Variants in FBXW10B observed in about 807,000 individuals in gnomAD.
FBXW10B encodes the protein F-box and WD repeat domain containing 10B.
At chr17:15,597,229 G>A in the FBXW10B span, among the ~76,000 whole-genome samples, 1 of 150,166 alleles carries the variant, frequency 6.7e-6, no homozygotes, top group Non-Finnish European at 1.5e-5. Context: ...GTCACAGCTA[G>A]GGGTGGGTTT....
chr17:15,570,321 C>G, the FBXW10B span, among the ~76,000 whole-genome samples: 1 of 152,158 alleles, frequency 6.6e-6, no homozygotes, highest in Non-Finnish European at 1.5e-5. Flanking sequence ...CCTTGACAGA[C>G]AGACAGACTT....
At chr17:15,618,182 T>A in the FBXW10B span, among the ~76,000 whole-genome samples, 4 of 151,766 alleles carry the variant, frequency 2.6e-5, no homozygotes, top group African/African-American at 4.8e-5. Flanking sequence ...TACAAAAAAA[T>A]TAGGACATGG....
chr17:15,585,458 C>T, the FBXW10B span, among the ~76,000 whole-genome samples: 2 of 152,018 alleles, frequency 1.3e-5, no homozygotes, highest in Non-Finnish European at 2.9e-5. Context: ...GGAATTTAAC[C>T]ATGTCAAAGC....
the FBXW10B span, among the ~76,000 whole-genome samples, chr17:15,584,595 T>G: frequency 1.3e-5 from 2 of 152,342 alleles, no homozygotes; most frequent in South Asian, 4.1e-4. Flanking sequence ...CCTTTGCCCA[T>G]AACACAAGAA....
chr17:15,592,126 G>A, the FBXW10B span, among the ~76,000 whole-genome samples: 1 of 152,038 alleles, frequency 6.6e-6, no homozygotes, highest in African/African-American at 2.4e-5. Flanking sequence ...GCAATGTTAA[G>A]ACCTTAACCA....
chr17:15,615,197 G>A, the FBXW10B span, among the ~76,000 whole-genome samples: 1 of 151,110 alleles, frequency 6.6e-6, no homozygotes, highest in Non-Finnish European at 1.5e-5. Flanking sequence ...AAAGAGCCCA[G>A]CACATTGTAG....
chr17:15,608,218 T>C, the FBXW10B span, among the ~76,000 whole-genome samples: 2 of 146,330 alleles, frequency 1.4e-5, no homozygotes, highest in South Asian at 2.3e-4. Flanking sequence ...TGGAGTGTAG[T>C]GGTGCAATCT....
At chr17:15,598,118 T>C in the FBXW10B span, among the ~76,000 whole-genome samples, 5 of 152,104 alleles carry the variant, frequency 3.3e-5, no homozygotes, top group Non-Finnish European at 7.4e-5. Context: ...GATTAAATAA[T>C]GTATGTTAAG....
chr17:15,576,552 C>A, the FBXW10B span, among the ~76,000 whole-genome samples: 1 of 152,196 alleles, frequency 6.6e-6, no homozygotes, highest in African/African-American at 2.4e-5. Flanking sequence ...CAGGACTGGG[C>A]CTTTCTTCTT....
the FBXW10B span, among the ~76,000 whole-genome samples, chr17:15,602,393 T>A: frequency 9.9e-4 from 151 of 152,184 alleles, 3 homozygotes; most frequent in East Asian, 0.027. Flanking sequence ...TATTCATTTA[T>A]GAATAAATGA....
the FBXW10B span, among the ~76,000 whole-genome samples, chr17:15,602,983 A>T: frequency 3.9e-5 from 5 of 127,122 alleles, 1 homozygote; most frequent in Admixed American, 3.9e-4. Context: ...TCCCAGGTTC[A>T]AGTGATTCTC....
the FBXW10B span, among the ~76,000 whole-genome samples, chr17:15,598,165 CGTT>C: frequency 6.6e-6 from 1 of 151,988 alleles, no homozygotes; most frequent in Non-Finnish European, 1.5e-5. Flanking sequence ...AAATGGCAGC[CGTT>C]GTTGTTCATG....
chr17:15,592,010 C>T, the FBXW10B span, among the ~76,000 whole-genome samples: 1 of 152,292 alleles, frequency 6.6e-6, no homozygotes, highest in South Asian at 2.1e-4. Flanking sequence ...CCTCCCTAAC[C>T]CACCAGTTTT....
At chr17:15,592,526 T>C in the FBXW10B span, among the ~76,000 whole-genome samples, 16 of 151,832 alleles carry the variant, frequency 1.1e-4, no homozygotes, top group African/African-American at 3.6e-4. Flanking sequence ...AGTCTACGCA[T>C]ATATAAAGCA....
At chr17:15,590,983 A>T in the FBXW10B span, among the ~76,000 whole-genome samples, 4 of 152,062 alleles carry the variant, frequency 2.6e-5, no homozygotes, top group African/African-American at 9.7e-5. Flanking sequence ...TTACAGCCTT[A>T]GGGACAGGTA....
chr17:15,603,918 A>C, the FBXW10B span, among the ~76,000 whole-genome samples: 1 of 74,946 alleles, frequency 1.3e-5, no homozygotes, highest in Non-Finnish European at 2.2e-5. Context: ...TAAAAAATAC[A>C]AAAAAAAAAA....
chr17:15,613,593 C>A, the FBXW10B span: 15 of 1,542,938 alleles, frequency 9.7e-6, no homozygotes, highest in Non-Finnish European at 1.3e-5. Flanking sequence ...AGACATTCCC[C>A]TTTCAGACTT....
chr17:15,581,457 C>G, the FBXW10B span, among the ~76,000 whole-genome samples: 1 of 152,096 alleles, frequency 6.6e-6, no homozygotes, highest in Non-Finnish European at 1.5e-5. Flanking sequence ...ACACTTGTAG[C>G]TGTATGATTA....
At chr17:15,615,603 G>T in the FBXW10B span, 4 of 1,611,366 alleles carry the variant, frequency 2.5e-6, no homozygotes, top group Non-Finnish European at 2.5e-6. Flanking sequence ...GTGAGCCACC[G>T]CACCTAGCCC....
Sources: allele counts gnomAD v4.1 joint callset (sites outside exome capture counted in the v4.1 genomes callset), GRCh38; gene constraint gnomAD v4.1.1; transcripts MANE v1.5; gene names NCBI Gene and HGNC (gene_info 2026-07-23, HGNC 2026-07-21).